The following CROCC2 variants were observed in gnomAD, a reference collection of about 807,000 sequenced individuals.
CROCC2 encodes the protein ciliary rootlet coiled-coil, rootletin family member 2.
CROCC2 carries 163 observed loss-of-function variants against 177.6 expected under a neutral mutation model. The ratio of observed to expected loss-of-function variants is 0.92; its 90% confidence interval spans 0.81 to 1.05. The LOEUF (loss-of-function observed/expected upper bound fraction) is 1.05. CROCC2 is among the 50% of genes least tolerant of loss of function. The probability of loss-of-function intolerance (pLI) is 0.00; values close to 1 mark genes in which losing one functional copy is unlikely to be tolerated. For missense variants in CROCC2, 1,929 were observed against 1,797.8 expected (o/e 1.07, Z -1.32); for synonymous variants, 904 against 787.3 (o/e 1.15, Z -2.48).
Position 240,949,180 on chromosome 2 carries a change from T to A in CROCC2, c.2482+83T>A. 1 of 1,453,336 alleles carries A rather than the reference T, an allele frequency of 6.9e-7. No homozygotes were observed. Among genetic ancestry groups the A allele is most frequent in the Non-Finnish European group, 9.0e-7 (1 of 1,107,048 alleles). 90.0% of individuals were successfully genotyped at this position (1,453,336 alleles called of 1,614,324 possible). A position where few individuals can be genotyped will look rare whatever the true frequency, so the allele number is the denominator to read the frequency against. ...TGGAATGGAGCTCAGTGCCCACACGTGCTGCACCCCCTCTCCGGAGCCCAC... is the reference window on the plus strand; with the variant it reads ...TGGAATGGAGCTCAGTGCCCACACGAGCTGCACCCCCTCTCCGGAGCCCAC... On this transcript the variant is annotated intron_variant, in intron 16 of 31. Transcript: ENST00000690015. This position sits in a 1 kb window ranked among gnomAD's most constrained non-coding sequence, Gnocchi z 4.5.
intron 15 of CROCC2, among the ~76,000 whole-genome samples, chr2:240,947,158 G>A (rs2059528909): frequency 6.6e-6 from 1 of 152,270 alleles, no homozygotes; most frequent in Non-Finnish European, 1.5e-5. Context: ...TGGGAGGCAT[G>A]AGAAACCTTG....
chr2:240,948,694 G>A (rs896730724), intron 15 of CROCC2, among the ~76,000 whole-genome samples: 3 of 152,204 alleles, frequency 2.0e-5, no homozygotes, highest in African/African-American at 7.2e-5. Context: ...ATGCACAAAT[G>A]CACCAAGCAG....
Position 240,960,988 on chromosome 2 carries a change from C to T in CROCC2, c.3087+1544C>T, listed in dbSNP as rs970534297. Among the ~76,000 whole-genome samples, 23 of 151,668 alleles carry T rather than the reference C, an allele frequency of 1.5e-4. No homozygotes were observed. The highest frequency in any genetic ancestry group is 1.4e-3 in the Admixed American group (22 of 15,264). ...TCTGCTGGCCTCAAGGAAGGGAGTG[C>T]AGGCCTCATGGGAAGGTCAGGCTCT... On this transcript the variant is annotated intron_variant, in intron 20 of 31. Transcript: ENST00000690015. The surrounding 1 kb of genome is among the most constrained non-coding windows in gnomAD (Gnocchi z 5.0).
chr2:240,942,197 CTTG>C (rs1386948968), intron 14 of CROCC2, among the ~76,000 whole-genome samples: 5 of 152,176 alleles, frequency 3.3e-5, no homozygotes, highest in East Asian at 3.8e-4. Flanking sequence ...ACTTTTTGCT[CTTG>C]TTGTTCTATA....
At chr2:240,913,052 C>T (rs761052773) in intron 1 of CROCC2, among the ~76,000 whole-genome samples, 5 of 152,244 alleles carry the variant, frequency 3.3e-5, no homozygotes, top group Non-Finnish European at 5.9e-5. Flanking sequence ...CTGTCAGGCA[C>T]AGCCAGGGCC....
Position 240,935,055 on chromosome 2 carries a change from C to T in CROCC2, c.1931C>T (p.Ala644Val), listed in dbSNP as rs535814170. ...GACAAAAGTGCCCTGAACCACCTGG[C>T]TCTCCAGGTGAGACAAGGGCCAGTG... Reference protein sequence around the residue: ...AQDKSALNHLALQLEQERDQL... With the variant: ...AQDKSALNHLVLQLEQERDQL... The change falls in exon 13 of 32, where the codon GCT (alanine) becomes GTT (valine). Residue 644 changes from alanine to valine, a missense_variant. Transcript: ENST00000690015. 13 of 1,371,210 alleles carry T rather than the reference C, an allele frequency of 9.5e-6. No individual in the cohort carries two copies. The South Asian group carries it at 1.8e-4, about 19-fold the overall frequency. 84.9% of individuals were successfully genotyped at this position (1,371,210 alleles called of 1,614,324 possible).
chr2:240,962,594 G>C (rs376273662), intron 20 of CROCC2, among the ~76,000 whole-genome samples: 1 of 152,208 alleles, frequency 6.6e-6, no homozygotes, highest in East Asian at 1.9e-4. Context: ...AATATCCCGT[G>C]AAAACAGCCA....
At chr2:240,974,035 C>G (rs2059741760) in intron 27 of CROCC2, among the ~76,000 whole-genome samples, 1 of 152,170 alleles carries the variant, frequency 6.6e-6, no homozygotes, top group Non-Finnish European at 1.5e-5. Context: ...GGGAGTGTAA[C>G]TTATCTTACA....
At chr2:240,911,003 CG>C (rs1559586428) in intron 1 of CROCC2, among the ~76,000 whole-genome samples, 1 of 151,892 alleles carries the variant, frequency 6.6e-6, no homozygotes, top group East Asian at 1.9e-4. Context: ...TGATGGCAGG[CG>C]CCTGTAATCC....
At position 240,949,510 on chromosome 2, in the gene CROCC2, G is replaced by T; in HGVS notation, c.2483-23G>T. 6.5e-7 allele frequency: 1 copy of T among 1,548,040 alleles called. No individual in the cohort carries two copies. Among genetic ancestry groups the T allele is most frequent in the Non-Finnish European group, 8.7e-7 (1 of 1,144,872 alleles). On this transcript the variant is annotated intron_variant, in intron 16 of 31. Transcript: ENST00000690015. The surrounding 1 kb of genome is among the most constrained non-coding windows in gnomAD (Gnocchi z 4.5). Reference sequence around the variant, plus strand: ...AGGGGTCCACATGCCAGGCCCTGGTGCATCTCACCCATCACCCCACAGTGG... The same window carrying T: ...AGGGGTCCACATGCCAGGCCCTGGTTCATCTCACCCATCACCCCACAGTGG...
rs748904091 is a variant in CROCC2 at position 240,989,699 on chromosome 2, G to T, written c.4729G>T (p.Asp1577Tyr). The T allele has an allele frequency of 2.6e-6, 4 of 1,550,134 alleles. No individual in the cohort carries two copies. Among genetic ancestry groups the T allele is most frequent in the Admixed American group, 2.0e-5 (1 of 51,002 alleles). ...GCAGGCCCACACCCAGCGGCTCCAG[G>T]ACCTGACAGCTCAGCACCAGCGGGA... Reference protein sequence around the residue: ...MEQAHTQRLQDLTAQHQRDLA... With the variant: ...MEQAHTQRLQYLTAQHQRDLA... The change falls in exon 30 of 32, where the codon GAC becomes TAC. Residue 1577 changes from aspartate (D) to tyrosine (Y), a missense_variant. This residue lies in a region of CROCC2 where 388 missense variants were observed against 352.7 expected (regional missense o/e 1.10). Coordinates refer to ENST00000690015, the MANE Select transcript of CROCC2 (RefSeq NM_001351305.2).
At chr2:240,985,994 G>A (rs1282434955) in intron 28 of CROCC2, 1 of 456,122 alleles carries the variant, frequency 2.2e-6, no homozygotes, top group Non-Finnish European at 4.4e-6. Context: ...CTTGATGCCG[G>A]CCTCTCAAGC....
At chr2:240,981,608 T>C (rs1370838391) in intron 27 of CROCC2, 3 of 152,118 alleles carry the variant, frequency 2.0e-5, no homozygotes, top group Non-Finnish European at 4.4e-5. Context: ...TAAGCCATAT[T>C]TGCAGAAAAC....
In CROCC2 at chr2:240,907,071, C is replaced by T. The variant is rs376276240; in HGVS notation, c.78+480C>T. Among the ~76,000 whole-genome samples the T allele has an allele frequency of 1.8e-3, 268 of 152,296 alleles. 3 individuals carry two copies. The highest frequency in any genetic ancestry group is 6.2e-3 in the African/African-American group (257 of 41,572). ...GGCTGCGCACTGGGGTGGGGATGGG[C>T]AGGCAGCCCTTGGTGCTGACATTCT... On this transcript the variant is annotated intron_variant, in intron 1 of 31. Coordinates refer to ENST00000690015, the MANE Select transcript of CROCC2 (RefSeq NM_001351305.2).
At position 240,907,738 on chromosome 2, in the gene CROCC2, C is replaced by T. The variant is rs577086337; in HGVS notation, c.78+1147C>T. On this transcript the variant is annotated intron_variant, in intron 1 of 31. Transcript: ENST00000690015. Reference sequence around the variant, plus strand: ...CACCTGGGGTGAGCTCTACCTCCTCCACCTCGGGTGACCTCTACCTCCTCC... The same window carrying T: ...CACCTGGGGTGAGCTCTACCTCCTCTACCTCGGGTGACCTCTACCTCCTCC... Among the ~76,000 whole-genome samples, 4 of 68,928 alleles carry T rather than the reference C, an allele frequency of 5.8e-5. No individual in the cohort carries two copies. In the East Asian group the frequency reaches 1.6e-3, roughly 28 times the overall value. The allele number at this position is 68,928 out of a possible 152,430, so 45.2% of individuals were successfully genotyped here. A position where few individuals can be genotyped will look rare whatever the true frequency, so the allele number is the denominator to read the frequency against.
At chr2:240,962,044 G>A (rs1406542381) in intron 20 of CROCC2, among the ~76,000 whole-genome samples, 3 of 121,782 alleles carry the variant, frequency 2.5e-5, no homozygotes, top group African/African-American at 1.0e-4. Flanking sequence ...GCACACACGC[G>A]CACACACATA....
intron 7 of CROCC2, among the ~76,000 whole-genome samples, chr2:240,931,661 A>G (rs2059432231): frequency 1.3e-5 from 2 of 152,338 alleles, no homozygotes; most frequent in African/African-American, 4.8e-5. Flanking sequence ...GCGGCTCCCC[A>G]GTGGAGGTCT....
Position 240,935,469 on chromosome 2 carries a change from G to T in CROCC2, c.2050G>T (p.Ala684Ser). The T allele has an allele frequency of 7.3e-7, 1 of 1,370,350 alleles. No individual in the cohort carries two copies. Among genetic ancestry groups the T allele is most frequent in the Non-Finnish European group, 9.5e-7 (1 of 1,058,056 alleles). 84.9% of individuals were successfully genotyped at this position (1,370,350 alleles called of 1,614,324 possible). The stretch of plus-strand genomic sequence containing the variant: ...GGAGCAGCAGCTGGCGCTGGAGCGG[G>T]CAGAGCGCAGGGGCCTGCAGCAGGC... ...QAEQQLALER[A>S]ERRGLQQACG... The change falls in exon 14 of 32, where the codon GCA (alanine) becomes TCA (serine). Residue 684 changes from alanine (A) to serine (S), a missense_variant. Physicochemically the swap from Ala to Ser is moderately conservative, Grantham distance 99. Transcript: ENST00000690015.
In CROCC2 at chr2:240,953,754, A is replaced by T. The variant is rs2059571842; in HGVS notation, c.2830-2105A>T. Among the ~76,000 whole-genome samples the T allele has an allele frequency of 6.6e-6, 1 of 152,046 alleles. No homozygotes were observed. Among genetic ancestry groups the T allele is most frequent in the African/African-American group, 2.4e-5 (1 of 41,380 alleles). ...CTTTGGGGATCTTATTTCTGTAATG[A>T]AGAAGAGGAATTATATGTGGAGCAA... On this transcript the variant is annotated intron_variant, in intron 18 of 31. Coordinates refer to ENST00000690015, the MANE Select transcript of CROCC2 (RefSeq NM_001351305.2). This position sits in a 1 kb window ranked among gnomAD's most constrained non-coding sequence, Gnocchi z 4.0.
Sources: gnomAD v4.1 joint callset for allele counts (sites outside exome capture counted in the v4.1 genomes callset) on GRCh38, gnomAD v4.1.1 for gene constraint, gnomAD v4.1.1 regional missense constraint, Gnocchi (gnomAD v3.1) non-coding constraint, MANE v1.5 for transcripts, NCBI Gene and HGNC (gene_info 2026-07-23, HGNC 2026-07-21) for gene names.